The following GSPT1 variants were observed in gnomAD, a reference collection of about 807,000 sequenced individuals.
GSPT1 encodes G1 to S phase transition 1.
Under a neutral mutation model 72.5 loss-of-function variants are expected in GSPT1, and 20 were observed. That is an observed-to-expected ratio of 0.28 (90% CI 0.19 to 0.40). GSPT1 has a LOEUF of 0.40. Among genes scored for constraint, GSPT1 ranks in the 10% least tolerant of loss-of-function variants. GSPT1 has a pLI of 1.00. For synonymous variants in GSPT1, 334 were observed against 293.5 expected (o/e 1.14, Z -1.41); for missense variants, 580 against 811.9 (o/e 0.71, Z 3.47).
intron 5 of GSPT1, among the ~76,000 whole-genome samples, chr16:11,894,478 C>CA (rs1229175301): frequency 6.6e-6 from 1 of 152,102 alleles, no homozygotes; most frequent in Non-Finnish European, 1.5e-5. Flanking sequence ...ACAGTTCCCC[C>CA]ATTCACCAGA....
intron 1 of GSPT1, among the ~76,000 whole-genome samples, chr16:11,909,501 C>T (rs2054530680): frequency 6.6e-6 from 1 of 152,174 alleles, no homozygotes; most frequent in African/African-American, 2.4e-5. Context: ...TGATGAAATT[C>T]TAAACATGCC....
rs2054628662 is a variant in GSPT1 at position 11,915,762 on chromosome 16, T to G, written c.-42A>C. 1 of 1,554,346 alleles carries G rather than the reference T, an allele frequency of 6.4e-7. No individual in the cohort carries two copies. The highest frequency in any genetic ancestry group is 8.6e-7 in the Non-Finnish European group (1 of 1,156,084). ...TGTGTGGTGGACAGAGAGCGGGAAATGGAGGCAGGGGCGCCCGGCCGGAGA... is the reference window on the plus strand; with the variant it reads ...TGTGTGGTGGACAGAGAGCGGGAAAGGGAGGCAGGGGCGCCCGGCCGGAGA... On this transcript the variant is annotated 5_prime_UTR_variant, in exon 1 of 15. Coordinates refer to ENST00000434724, the MANE Select transcript of GSPT1 (RefSeq NM_002094.4).
chr16:11,876,605 G>C (rs145785303), intron 12 of GSPT1, among the ~76,000 whole-genome samples: 1,741 of 152,232 alleles, frequency 0.011, 14 homozygotes, highest in Non-Finnish European at 0.016. Context: ...TCAGCCAGGC[G>C]TGGTGGTGGG....
chr16:11,901,256 A>G (rs1473158045), intron 1 of GSPT1, among the ~76,000 whole-genome samples: 2 of 152,342 alleles, frequency 1.3e-5, no homozygotes, highest in East Asian at 1.9e-4. Flanking sequence ...CATGACTCAC[A>G]TAACATCCAG....
intron 1 of GSPT1, among the ~76,000 whole-genome samples, chr16:11,912,737 T>C (rs1173978775): frequency 1.3e-5 from 2 of 152,216 alleles, no homozygotes; most frequent in African/African-American, 4.8e-5. Context: ...TGTTCTAATA[T>C]ACATTAAGCC....
At position 11,874,920 on chromosome 16, in the gene GSPT1, G is replaced by A. The variant is rs145636669; in HGVS notation, c.1861+841C>T. On this transcript the variant is annotated intron_variant, in intron 14 of 14. Transcript: ENST00000434724. ...AAATATTAACAGCTGGGCCGGGCAC[G>A]GTGGCTCACGCCTGTAATCCCAGCA... Among the ~76,000 whole-genome samples, 257 of 152,334 alleles carry A rather than the reference G, an allele frequency of 1.7e-3. 3 individuals are homozygous for A. Among genetic ancestry groups the A allele is most frequent in the African/African-American group, 4.3e-4 (18 of 41,578 alleles).
At chr16:11,879,375 C>T (rs2054090969) in intron 11 of GSPT1, among the ~76,000 whole-genome samples, 1 of 151,354 alleles carries the variant, frequency 6.6e-6, no homozygotes, top group South Asian at 2.1e-4. Context: ...GCCTGGGCCA[C>T]AGAAGGAGAC....
At position 11,875,948 on chromosome 16, in the gene GSPT1, T is replaced by C. The variant is rs764237016; in HGVS notation, c.1693-19A>G. On this transcript the variant is annotated intron_variant, in intron 13 of 14. Coordinates refer to ENST00000434724, the MANE Select transcript of GSPT1 (RefSeq NM_002094.4). ...TTAAGGCCTAACCAAGAAAAGAGTATGAGAAAATCAGAATAATGCCAAATA... is the reference window on the plus strand; with the variant it reads ...TTAAGGCCTAACCAAGAAAAGAGTACGAGAAAATCAGAATAATGCCAAATA... The C allele has an allele frequency of 5.6e-6, 9 of 1,602,464 alleles. No homozygotes were observed. Among genetic ancestry groups the C allele is most frequent in the Middle Eastern group, 1.6e-4 (1 of 6,062 alleles).
upstream of GSPT1, among the ~76,000 whole-genome samples, chr16:11,916,469 CCTGCGTTCT>C (rs2054638987): frequency 6.6e-6 from 1 of 152,248 alleles, no homozygotes; most frequent in African/African-American, 2.4e-5. Flanking sequence ...CACCACCTTT[CCTGCGTTCT>C]CTGCCTCACA....
upstream of GSPT1, among the ~76,000 whole-genome samples, chr16:11,916,283 G>C (rs868269245): frequency 6.6e-6 from 1 of 152,212 alleles, no homozygotes; most frequent in African/African-American, 2.4e-5. Context: ...TGGTGGGGGG[G>C]CAGCGGCAGG....
At chr16:11,881,673 T>TTTTTTTTTTTTTTTA (rs71136694) in intron 11 of GSPT1, 2 of 145,246 alleles carry the variant, frequency 1.4e-5, no homozygotes, top group African/African-American at 2.6e-5. Context: ...TTTTTTTTTT[T>TTTTTTTTTTTTTTTA]AGTAAAGGTC....
chr16:11,878,756 A>G (rs2054079875), intron 11 of GSPT1, among the ~76,000 whole-genome samples: 2 of 152,082 alleles, frequency 1.3e-5, no homozygotes, highest in African/African-American at 4.8e-5. Context: ...GAAATTTACC[A>G]TCAGTGACAT....
At chr16:11,897,627 G>C (rs2054356502) in intron 3 of GSPT1, among the ~76,000 whole-genome samples, 1 of 152,134 alleles carries the variant, frequency 6.6e-6, no homozygotes, top group African/African-American at 2.4e-5. Context: ...AAATTGACTT[G>C]ACCATTCCTC....
chr16:11,912,046 T>TAAAAA (rs371293585), intron 1 of GSPT1, among the ~76,000 whole-genome samples: 1 of 113,214 alleles, frequency 8.8e-6, no homozygotes, highest in Non-Finnish European at 1.8e-5. Flanking sequence ...GTCAATCATT[T>TAAAAA]AAAAAAAAAA....
intron 1 of GSPT1, among the ~76,000 whole-genome samples, chr16:11,913,148 C>CTT (rs2054582033): frequency 6.6e-6 from 1 of 152,188 alleles, no homozygotes; most frequent in South Asian, 2.1e-4. Flanking sequence ...TATCCCCCTG[C>CTT]TTTTTATAAG....
intron 5 of GSPT1, among the ~76,000 whole-genome samples, chr16:11,894,473 T>C (rs2054309712): frequency 6.6e-6 from 1 of 152,024 alleles, no homozygotes; most frequent in South Asian, 2.1e-4. Flanking sequence ...AAAAAACAGT[T>C]CCCCCATTCA....
intron 7 of GSPT1, 55 bp downstream of exon 7, chr16:11,887,515 G>C (rs2054199570): frequency 3.6e-6 from 5 of 1,383,492 alleles, no homozygotes; most frequent in Non-Finnish European, 5.1e-6. Context: ...CAAATTTAAA[G>C]ATATAAGCGG....
At chr16:11,900,224 T>C (rs2054388392) in intron 1 of GSPT1, among the ~76,000 whole-genome samples, 1 of 151,406 alleles carries the variant, frequency 6.6e-6, no homozygotes, top group East Asian at 1.9e-4. Context: ...TCCCAGCTAC[T>C]CGGGAGGCCA....
chr16:11,868,364 T>TTG lies in GSPT1; in HGVS notation c.*4754_*4755insCA, dbSNP rs1555502861. 4 of 151,380 alleles carry TTG rather than the reference T, an allele frequency of 2.6e-5. No individual in the cohort carries two copies. The highest frequency in any genetic ancestry group is 5.9e-5 in the Non-Finnish European group (4 of 67,814). 9.4% of individuals were successfully genotyped at this position (151,380 alleles called of 1,614,324 possible). On this transcript the variant is annotated 3_prime_UTR_variant, in exon 15 of 15. Transcript: ENST00000434724. ...GATCAGTTCCCTTTAATCCTGTTTTTTTTTTTTTTTTTTAAATGAGATCTA... is the reference window on the plus strand; with the variant it reads ...GATCAGTTCCCTTTAATCCTGTTTTTTGTTTTTTTTTTTTTAAATGAGATCTA...
Sources: allele counts gnomAD v4.1 joint callset (sites outside exome capture counted in the v4.1 genomes callset), GRCh38; gene constraint gnomAD v4.1.1; transcripts MANE v1.5; gene names NCBI Gene and HGNC (gene_info 2026-07-23, HGNC 2026-07-21).